DCLK1: variants seen among roughly 807,000 people sequenced by gnomAD.
DCLK1 encodes serine/threonine-protein kinase DCLK1.
A neutral mutation model predicts 86.2 loss-of-function variants in DCLK1; 16 were observed. That is an observed-to-expected ratio of 0.19 (90% CI 0.13 to 0.28). The LOEUF is 0.28. DCLK1 is among the 10% of genes least tolerant of loss of function. DCLK1 has a pLI of 1.00. For synonymous variants in DCLK1, 369 were observed against 370.5 expected (o/e 1.00, Z 0.05); for missense variants, 590 against 940.2 (o/e 0.63, Z 4.87).
At chr13:35,989,042 A>G (rs1880081060) in intron 3 of DCLK1, among the ~76,000 whole-genome samples, 1 of 152,140 alleles carries the variant, frequency 6.6e-6, no homozygotes, top group Non-Finnish European at 1.5e-5. Flanking sequence ...AATTTTCAGC[A>G]AACAATAAAT....
At chr13:35,837,751 C>T (rs1869489844) in intron 7 of DCLK1, among the ~76,000 whole-genome samples, 2 of 151,938 alleles carry the variant, frequency 1.3e-5, no homozygotes, top group South Asian at 4.2e-4. Context: ...TAAAAGGTAC[C>T]TTTCCTCACT....
At chr13:35,839,400 T>C (rs1034683045) in intron 6 of DCLK1, among the ~76,000 whole-genome samples, 3 of 152,154 alleles carry the variant, frequency 2.0e-5, no homozygotes, top group Admixed American at 6.6e-5. Flanking sequence ...AAGCTGGTTA[T>C]TGTGAACTTG....
chr13:36,024,933 C>T (rs1000015064), intron 3 of DCLK1, among the ~76,000 whole-genome samples: 1 of 151,066 alleles, frequency 6.6e-6, no homozygotes, highest in Non-Finnish European at 1.5e-5. Context: ...TAAACCTATA[C>T]ATTTATGGTC....
At chr13:36,118,378 G>A (rs984110037) in intron 2 of DCLK1, among the ~76,000 whole-genome samples, 1 of 152,116 alleles carries the variant, frequency 6.6e-6, no homozygotes, top group Admixed American at 6.5e-5. Context: ...GCCAGAATTG[G>A]CAATTGACTG....
intron 4 of DCLK1, among the ~76,000 whole-genome samples, chr13:35,901,175 G>C (rs1464087573): frequency 1.3e-5 from 2 of 152,108 alleles, no homozygotes; most frequent in Non-Finnish European, 2.9e-5. Flanking sequence ...AGATAAAACA[G>C]AGGAGACATA....
chr13:36,075,036 G>C (rs1025565713), intron 3 of DCLK1, among the ~76,000 whole-genome samples: 7 of 152,174 alleles, frequency 4.6e-5, no homozygotes, highest in African/African-American at 1.7e-4. Flanking sequence ...AATGTTTAAG[G>C]GGGGAAAAAC....
chr13:35,938,344 A>T (rs1386386176), intron 4 of DCLK1, among the ~76,000 whole-genome samples: 1 of 152,076 alleles, frequency 6.6e-6, no homozygotes, highest in African/African-American at 2.4e-5. Context: ...AAAAATGAGC[A>T]CTAGGCCAGG....
intron 3 of DCLK1, among the ~76,000 whole-genome samples, chr13:36,062,474 G>C (rs1380005967): frequency 1.3e-5 from 2 of 152,208 alleles, no homozygotes; most frequent in Middle Eastern, 3.4e-3. Context: ...AGACAGAAAG[G>C]CACCTGGCTA....
At chr13:35,981,523 T>A (rs1443191897) in intron 3 of DCLK1, among the ~76,000 whole-genome samples, 1 of 151,878 alleles carries the variant, frequency 6.6e-6, no homozygotes, top group Admixed American at 6.6e-5. Flanking sequence ...TACCTTAGGG[T>A]TCACTCTGTG....
chr13:36,057,333 T>C (rs942989559), intron 3 of DCLK1, among the ~76,000 whole-genome samples: 3 of 152,148 alleles, frequency 2.0e-5, no homozygotes, highest in African/African-American at 7.2e-5. Context: ...ATCTCTACTT[T>C]CCTGTCTTTA....
chr13:35,770,551 T>G lies in DCLK1; in HGVS notation c.*3984A>C, dbSNP rs1318575822. The G allele has an allele frequency of 6.6e-6, 1 of 152,154 alleles. No individual in the cohort carries two copies. The highest frequency in any genetic ancestry group is 2.4e-5 in the African/African-American group (1 of 41,436). The allele number at this position is 152,154 out of a possible 1,614,324, so 9.4% of individuals were successfully genotyped here. On this transcript the variant is annotated 3_prime_UTR_variant, in exon 17 of 17. Coordinates refer to ENST00000360631, the MANE Select transcript of DCLK1 (RefSeq NM_001330071.2). ...ATTTTCCCCAAACTCCTAATGGACATGGCAGACAATGTGTAGAAAAATCTG... is the reference window on the plus strand; with the variant it reads ...ATTTTCCCCAAACTCCTAATGGACAGGGCAGACAATGTGTAGAAAAATCTG...
At chr13:36,123,531 A>C (rs1382847114) in intron 2 of DCLK1, among the ~76,000 whole-genome samples, 3 of 152,228 alleles carry the variant, frequency 2.0e-5, no homozygotes, top group Non-Finnish European at 2.9e-5. Flanking sequence ...TCAATATAGT[A>C]GTTGAATTCA....
intron 8 of DCLK1, among the ~76,000 whole-genome samples, chr13:35,832,941 G>A (rs1338057005): frequency 6.6e-6 from 1 of 152,142 alleles, no homozygotes; most frequent in African/African-American, 2.4e-5. Flanking sequence ...CAGTTCTGAT[G>A]GAAATGCTTT....
intron 4 of DCLK1, among the ~76,000 whole-genome samples, chr13:35,902,837 C>G (rs973007286): frequency 6.6e-6 from 1 of 152,132 alleles, no homozygotes; most frequent in Non-Finnish European, 1.5e-5. Context: ...CCAAAAGATG[C>G]TGGCCAAACA....
At chr13:36,097,985 C>A (rs1885074754) in intron 3 of DCLK1, among the ~76,000 whole-genome samples, 1 of 152,148 alleles carries the variant, frequency 6.6e-6, no homozygotes, top group African/African-American at 2.4e-5. Flanking sequence ...CAGTTACTTT[C>A]CCCCTGATTC....
chr13:35,812,543 T>C (rs916859956), intron 11 of DCLK1, among the ~76,000 whole-genome samples: 4 of 152,212 alleles, frequency 2.6e-5, no homozygotes, highest in Non-Finnish European at 5.9e-5. Flanking sequence ...GTAGATTAAC[T>C]TTGCGTTTCA....
At chr13:36,039,357 C>A (rs1566656281) in intron 3 of DCLK1, among the ~76,000 whole-genome samples, 1 of 152,156 alleles carries the variant, frequency 6.6e-6, no homozygotes, top group Non-Finnish European at 1.5e-5. Context: ...GCCATTGGAG[C>A]TATACTGAGC....
chr13:35,866,593 C>T (rs558229041), intron 5 of DCLK1, among the ~76,000 whole-genome samples: 1 of 151,404 alleles, frequency 6.6e-6, no homozygotes, highest in East Asian at 1.9e-4. Flanking sequence ...ACAAAGCAAC[C>T]ATCATTCCAG....
intron 8 of DCLK1, among the ~76,000 whole-genome samples, chr13:35,834,588 T>C (rs1181747017): frequency 1.3e-5 from 2 of 152,210 alleles, no homozygotes; most frequent in Non-Finnish European, 2.9e-5. Context: ...TTGTAGATAG[T>C]TTATGCTCAG....
Sources: gnomAD v4.1 joint callset for allele counts (sites outside exome capture counted in the v4.1 genomes callset) on GRCh38, gnomAD v4.1.1 for gene constraint, MANE v1.5 for transcripts, NCBI Gene and HGNC (gene_info 2026-07-23, HGNC 2026-07-21) for gene names.